Variants in ESRRG observed in about 807,000 individuals in gnomAD.
ESRRG encodes the protein estrogen related receptor gamma, also known as estrogen-related receptor gamma.
In ESRRG, 13 loss-of-function variants were observed where a neutral mutation model predicts 44.0. That is an observed-to-expected ratio of 0.30 (90% confidence interval 0.19 to 0.47). The LOEUF (loss-of-function observed/expected upper bound fraction) is 0.47. ESRRG is among the 20% of genes least tolerant of loss of function. ESRRG has a pLI of 1.00. For missense variants in ESRRG, 395 were observed against 580.6 expected (o/e 0.68, Z 3.29); for synonymous variants, 215 against 214.6 (o/e 1.00, Z -0.02).
At chr1:216,614,117 G>A (rs921669560) in intron 3 of ESRRG, among the ~76,000 whole-genome samples, 3 of 152,182 alleles carry the variant, frequency 2.0e-5, no homozygotes, top group East Asian at 3.8e-4. Flanking sequence ...GCTGACGGAC[G>A]ATTAAATTAA....
At chr1:216,864,066 C>A (rs901149143) in intron 2 of ESRRG, 2 of 152,154 alleles carry the variant, frequency 1.3e-5, no homozygotes, top group African/African-American at 4.8e-5. Context: ...AAGCTAGAAT[C>A]ATAAAATTGG....
intron 1 of ESRRG, among the ~76,000 whole-genome samples, chr1:216,972,521 C>T (rs1390861838): frequency 6.6e-6 from 1 of 152,164 alleles, no homozygotes; most frequent in African/African-American, 2.4e-5. Flanking sequence ...TAACATACAG[C>T]AGTAGCATCT....
chr1:217,010,598 G>A (rs747255461), intron 1 of ESRRG, among the ~76,000 whole-genome samples: 10 of 152,276 alleles, frequency 6.6e-5, no homozygotes, highest in Non-Finnish European at 1.2e-4. Flanking sequence ...CAAGCAATGC[G>A]CTTGACAGTG....
At chr1:216,688,817 G>A (rs1213932212) in intron 1 of ESRRG, among the ~76,000 whole-genome samples, 2 of 152,090 alleles carry the variant, frequency 1.3e-5, no homozygotes, top group African/African-American at 4.8e-5. Context: ...CTTTGTCATC[G>A]CTTTCATACA....
intron 5 of ESRRG, among the ~76,000 whole-genome samples, chr1:216,552,593 T>C (rs538719039): frequency 6.6e-6 from 1 of 152,190 alleles, no homozygotes; most frequent in East Asian, 1.9e-4. Flanking sequence ...CCCCAACTTA[T>C]ATATGGGCAT....
intron 2 of ESRRG, among the ~76,000 whole-genome samples, chr1:216,823,830 G>A (rs575878280): frequency 2.0e-5 from 3 of 152,212 alleles, no homozygotes; most frequent in Admixed American, 2.0e-4. Flanking sequence ...CCTGGCCTAT[G>A]ATTTTATAAC....
At chr1:216,638,383 C>T (rs1204827463) in intron 3 of ESRRG, among the ~76,000 whole-genome samples, 1 of 151,930 alleles carries the variant, frequency 6.6e-6, no homozygotes, top group East Asian at 2.0e-4. Flanking sequence ...TATCTCTGCA[C>T]TATCCAATAT....
intron 1 of ESRRG, 83 bp downstream of exon 1, chr1:216,723,161 T>C (rs1490677411): frequency 7.0e-6 from 8 of 1,149,572 alleles, no homozygotes; most frequent in Non-Finnish European, 1.0e-5. Context: ...ATTACCTGAA[T>C]CAGTGTGTAA....
At chr1:216,700,150 A>G (rs1281662693) in intron 1 of ESRRG, among the ~76,000 whole-genome samples, 2 of 150,356 alleles carry the variant, frequency 1.3e-5, no homozygotes, top group Non-Finnish European at 3.0e-5. Context: ...TCACTAGCTT[A>G]GATACCTCGC....
chr1:216,876,578 GATA>G (rs1411288385), intron 2 of ESRRG, among the ~76,000 whole-genome samples: 2 of 150,306 alleles, frequency 1.3e-5, no homozygotes, highest in South Asian at 2.1e-4. Flanking sequence ...TTTTTCAAAT[GATA>G]ATATCATTTT....
At chr1:217,042,576 C>T (rs1469806869) in intron 1 of ESRRG, among the ~76,000 whole-genome samples, 4 of 151,876 alleles carry the variant, frequency 2.6e-5, no homozygotes, top group African/African-American at 4.8e-5. Context: ...CGCTACCTGT[C>T]CCTAGCTCCC....
At chr1:216,526,620 T>G (rs988191886) in intron 5 of ESRRG, among the ~76,000 whole-genome samples, 4 of 152,200 alleles carry the variant, frequency 2.6e-5, no homozygotes, top group African/African-American at 9.6e-5. Flanking sequence ...TGGTACTTTG[T>G]TTTAGCAGCT....
chr1:216,599,598 GA>G (rs747714192), intron 3 of ESRRG, among the ~76,000 whole-genome samples: 5 of 151,806 alleles, frequency 3.3e-5, no homozygotes, highest in Non-Finnish European at 7.4e-5. Context: ...TTATTTTCCA[GA>G]AAATTAACTC....
intron 2 of ESRRG, among the ~76,000 whole-genome samples, chr1:216,853,474 A>G (rs1340925902): frequency 6.6e-6 from 1 of 152,118 alleles, no homozygotes; most frequent in East Asian, 1.9e-4. Flanking sequence ...CTATTTAGCA[A>G]TTATACTCAG....
At chr1:216,777,584 T>A (rs144288870) in intron 2 of ESRRG, among the ~76,000 whole-genome samples, 1 of 152,212 alleles carries the variant, frequency 6.6e-6, no homozygotes, top group Non-Finnish European at 1.5e-5. Flanking sequence ...AAGTCTGAGT[T>A]TTGATTCAAT....
chr1:217,100,432 C>T (rs1312222693), intron 1 of ESRRG, among the ~76,000 whole-genome samples: 1 of 152,188 alleles, frequency 6.6e-6, no homozygotes, highest in Non-Finnish European at 1.5e-5. Context: ...TTTTCCAATC[C>T]TACTTATCCC....
rs951033 is a variant in ESRRG, at chr1:216,594,704, T to C, written c.590-26606A>G. On this transcript the variant is annotated intron_variant, in intron 3 of 6. Coordinates refer to ENST00000408911, the MANE Select transcript of ESRRG (RefSeq NM_001438.4). Reference sequence around the variant, plus strand: ...CATACATAGTTCATTAACACCATTATCACCTTCCTCCTCTCCTGGAGACTT... The same window carrying C: ...CATACATAGTTCATTAACACCATTACCACCTTCCTCCTCTCCTGGAGACTT... Among the ~76,000 whole-genome samples the C allele has an allele frequency of 2.8e-4, 42 of 152,308 alleles. No individual in the cohort carries two copies. In the South Asian group the frequency reaches 7.5e-3, roughly 27 times the overall value.
chr1:216,797,729 G>T (rs746178257), intron 2 of ESRRG, among the ~76,000 whole-genome samples: 12 of 152,062 alleles, frequency 7.9e-5, no homozygotes, highest in African/African-American at 2.7e-4. Context: ...TCATCACATC[G>T]TATCAAGGGT....
chr1:217,119,037 AG>A (rs2092780776), intron 1 of ESRRG, among the ~76,000 whole-genome samples: 1 of 151,484 alleles, frequency 6.6e-6, no homozygotes, highest in Non-Finnish European at 1.5e-5. Context: ...ATAGATAGAT[AG>A]ATAGATAGAT....
Sources: gnomAD v4.1 joint callset for allele counts (sites outside exome capture counted in the v4.1 genomes callset) on GRCh38, gnomAD v4.1.1 for gene constraint, MANE v1.5 for transcripts, NCBI Gene and HGNC (gene_info 2026-07-23, HGNC 2026-07-21) for gene names.